COL26A1: variants seen among roughly 807,000 people sequenced by gnomAD.
COL26A1 encodes the protein collagen type XXVI alpha 1 chain.
In COL26A1, 41 loss-of-function variants were observed where a neutral mutation model predicts 59.3. That is an observed-to-expected ratio of 0.69 (90% confidence interval 0.54 to 0.90). The LOEUF (loss-of-function observed/expected upper bound fraction) is 0.90. Among genes scored for constraint, COL26A1 ranks in the 40% least tolerant of loss-of-function variants. The pLI, the probability that COL26A1 is intolerant of heterozygous loss-of-function variation, is 0.00. For synonymous variants in COL26A1, 266 were observed against 256.0 expected, an observed-to-expected ratio of 1.04 and a Z score of -0.37; for missense variants, 612 against 602.3, an observed-to-expected ratio of 1.02 and a Z score of -0.17.
chr7:101,456,266 C>G (rs992009254), intron 3 of COL26A1, among the ~76,000 whole-genome samples: 1 of 150,834 alleles, frequency 6.6e-6, no homozygotes, highest in African/African-American at 2.4e-5. Context: ...GGCTGGGGTG[C>G]AGTGGTGTGA....
At chr7:101,524,895 G>A (rs1795209028) in intron 3 of COL26A1, among the ~76,000 whole-genome samples, 1 of 152,148 alleles carries the variant, frequency 6.6e-6, no homozygotes, top group African/African-American at 2.4e-5. Context: ...CATCAACCTT[G>A]AATAAGGGTT....
rs148399814 is a variant in COL26A1, at chr7:101,433,784, C to G, written c.281+13685C>G. ...GGGAAGGCCACAGCAGGGGTGCCCA[C>G]GCAGGGGGATCCACAGAACACTGAA... On this transcript the variant is annotated intron_variant, in intron 2 of 12. Transcript: ENST00000313669. Among the ~76,000 whole-genome samples the G allele has an allele frequency of 3.5e-4, 53 of 152,160 alleles. No homozygotes were observed. The East Asian group carries it at 9.9e-3, about 28-fold the overall frequency.
chr7:101,454,041 G>A (rs564683038), intron 3 of COL26A1, among the ~76,000 whole-genome samples: 2 of 152,106 alleles, frequency 1.3e-5, no homozygotes, highest in Admixed American at 6.6e-5. Context: ...TGCACATTTC[G>A]TGTTTGTGAA....
intron 10 of COL26A1, 95 bp downstream of exon 10, chr7:101,551,238 T>TGGGGGGGGGGGCA: frequency 4.1e-6 from 2 of 491,354 alleles, no homozygotes; most frequent in Non-Finnish European, 4.0e-6. Context: ...GGTGGGGGGG[T>TGGGGGGGGGGGCA]TCAGCCCTGG....
At chr7:101,368,746 C>T (rs1227536983) in intron 1 of COL26A1, among the ~76,000 whole-genome samples, 1 of 152,122 alleles carries the variant, frequency 6.6e-6, no homozygotes, top group African/African-American at 2.4e-5. Context: ...AGCTAGTCCT[C>T]AATTTGGTCC....
At chr7:101,494,613 G>GT (rs1190189610) in intron 3 of COL26A1, among the ~76,000 whole-genome samples, 3 of 152,256 alleles carry the variant, frequency 2.0e-5, no homozygotes, top group African/African-American at 7.2e-5. Context: ...GCAGGATTGA[G>GT]TTTCGTCTGC....
At chr7:101,522,118 A>G (rs1196550716) in intron 3 of COL26A1, among the ~76,000 whole-genome samples, 1 of 152,096 alleles carries the variant, frequency 6.6e-6, no homozygotes, top group African/African-American at 2.4e-5. Flanking sequence ...CATTTTGTGA[A>G]TGAATTTCGT....
At chr7:101,438,188 C>T (rs1332488140) in intron 2 of COL26A1, among the ~76,000 whole-genome samples, 1 of 151,000 alleles carries the variant, frequency 6.6e-6, no homozygotes, top group Non-Finnish European at 1.5e-5. Context: ...ATGGAGAAAC[C>T]GCATATCTAC....
chr7:101,546,391 C>T (rs1389971412), intron 7 of COL26A1, among the ~76,000 whole-genome samples: 1 of 147,668 alleles, frequency 6.8e-6, no homozygotes, highest in Non-Finnish European at 1.5e-5. Flanking sequence ...TGTATCGCCA[C>T]ATCTAACTAA....
At chr7:101,407,514 C>T (rs1449335605) in intron 1 of COL26A1, among the ~76,000 whole-genome samples, 1 of 151,720 alleles carries the variant, frequency 6.6e-6, no homozygotes, top group Non-Finnish European at 1.5e-5. Flanking sequence ...CAATCACCTT[C>T]TGCTTGTAGG....
intron 2 of COL26A1, among the ~76,000 whole-genome samples, chr7:101,439,177 A>G (rs1562979624): frequency 6.6e-6 from 1 of 152,014 alleles, no homozygotes; most frequent in Non-Finnish European, 1.5e-5. Context: ...GAAAAGCCTC[A>G]GCTCTGCATC....
chr7:101,450,025 G>A (rs553203203), intron 3 of COL26A1, among the ~76,000 whole-genome samples: 185 of 151,884 alleles, frequency 1.2e-3, no homozygotes, highest in Middle Eastern at 6.8e-3. Context: ...TTGGGAGGCT[G>A]AGGCAGAAGA....
At chr7:101,406,281 A>G (rs1792127301) in intron 1 of COL26A1, among the ~76,000 whole-genome samples, 1 of 152,186 alleles carries the variant, frequency 6.6e-6, no homozygotes, top group African/African-American at 2.4e-5. Context: ...AGGCAGGTCT[A>G]TCTGCTATCC....
intron 1 of COL26A1, among the ~76,000 whole-genome samples, chr7:101,410,816 C>T (rs1792226015): frequency 6.6e-6 from 1 of 152,242 alleles, no homozygotes; most frequent in Non-Finnish European, 1.5e-5. Flanking sequence ...TTCTACCTCA[C>T]CCTTCCAGAG....
intron 7 of COL26A1, among the ~76,000 whole-genome samples, chr7:101,545,857 C>T: frequency 6.6e-6 from 1 of 152,220 alleles, no homozygotes; most frequent in East Asian, 1.9e-4. Context: ...TGACTTGGCC[C>T]AGATTCCCTA....
chr7:101,390,797 T>C (rs1158702659), intron 1 of COL26A1, among the ~76,000 whole-genome samples: 1 of 152,092 alleles, frequency 6.6e-6, no homozygotes, highest in East Asian at 1.9e-4. Context: ...TTTCTAAAAA[T>C]TTCTTGGAAA....
intron 4 of COL26A1, among the ~76,000 whole-genome samples, chr7:101,538,886 C>T (rs1445105677): frequency 6.6e-6 from 1 of 152,240 alleles, no homozygotes; most frequent in Non-Finnish European, 1.5e-5. Flanking sequence ...GGACTCTCAG[C>T]TCAGCCCAGC....
intron 2 of COL26A1, among the ~76,000 whole-genome samples, chr7:101,434,747 T>C (rs2130333795): frequency 6.6e-6 from 1 of 152,288 alleles, no homozygotes; most frequent in Non-Finnish European, 1.5e-5. Flanking sequence ...TCCGGTTGGG[T>C]GTACTGGGGA....
chr7:101,510,368 C>T (rs1340967023), intron 3 of COL26A1, among the ~76,000 whole-genome samples: 1 of 151,988 alleles, frequency 6.6e-6, no homozygotes, highest in African/African-American at 2.4e-5. Flanking sequence ...ATCATGAAAT[C>T]GCCCTCCCTG....
Sources: allele counts gnomAD v4.1 joint callset (sites outside exome capture counted in the v4.1 genomes callset), GRCh38; gene constraint gnomAD v4.1.1; transcripts MANE v1.5; gene names NCBI Gene and HGNC (gene_info 2026-07-23, HGNC 2026-07-21).